SAMD3: variants seen among roughly 807,000 people sequenced by gnomAD.
SAMD3 encodes sterile alpha motif domain containing 3, also known as sterile alpha motif domain-containing protein 3.
A neutral mutation model predicts 58.5 loss-of-function variants in SAMD3; 63 were observed. That is an observed-to-expected ratio of 1.08 (90% CI 0.88 to 1.33). The LOEUF (loss-of-function observed/expected upper bound fraction) is 1.33, where lower values mean the gene tolerates loss of function less well. SAMD3 is among the 40% of genes most tolerant of loss of function. SAMD3 has a pLI of 0.00. For synonymous variants in SAMD3, 220 were observed against 210.3 expected (o/e 1.05, Z -0.40); for missense variants, 604 against 608.4 (o/e 0.99, Z 0.08).
At chr6:130,273,798 C>A (rs1216659130) in intron 2 of SAMD3, among the ~76,000 whole-genome samples, 1 of 152,008 alleles carries the variant, frequency 6.6e-6, no homozygotes, top group Non-Finnish European at 1.5e-5. Flanking sequence ...CTTTTACTCC[C>A]CGCTACACAA....
intron 2 of SAMD3, among the ~76,000 whole-genome samples, chr6:130,254,923 T>G (rs1307452172): frequency 6.6e-6 from 1 of 152,220 alleles, no homozygotes; most frequent in South Asian, 2.1e-4. Context: ...TCTTTTTTGA[T>G]GTAAATAATC....
chr6:130,269,606 T>A (rs573435919), intron 2 of SAMD3, among the ~76,000 whole-genome samples: 7 of 152,262 alleles, frequency 4.6e-5, no homozygotes, highest in African/African-American at 1.7e-4. Flanking sequence ...TTCTCTCTTT[T>A]TCTTTTTGTC....
chr6:130,350,508 CT>C (rs1410887750), intron 1 of SAMD3, among the ~76,000 whole-genome samples: 1 of 152,108 alleles, frequency 6.6e-6, no homozygotes, highest in East Asian at 1.9e-4. Context: ...AGGAATCCAA[CT>C]TACAAGGGAC....
At chr6:130,352,613 T>G (rs1777710816) in intron 1 of SAMD3, among the ~76,000 whole-genome samples, 1 of 152,200 alleles carries the variant, frequency 6.6e-6, no homozygotes. Context: ...GAGTGAAGAT[T>G]ATTGAAGAAT....
chr6:130,274,430 G>C (rs970966627), intron 2 of SAMD3, among the ~76,000 whole-genome samples: 2 of 152,178 alleles, frequency 1.3e-5, no homozygotes, highest in Non-Finnish European at 2.9e-5. Context: ...AGTCTTCCAA[G>C]AATAGGATGT....
At chr6:130,298,642 A>G (rs1364800816) in intron 2 of SAMD3, among the ~76,000 whole-genome samples, 2 of 152,150 alleles carry the variant, frequency 1.3e-5, no homozygotes, top group Admixed American at 1.3e-4. Flanking sequence ...TAAAGGAACT[A>G]GATAAACAAA....
At chr6:130,174,942 T>TA (rs1455465247) in intron 8 of SAMD3, among the ~76,000 whole-genome samples, 13 of 152,336 alleles carry the variant, frequency 8.5e-5, no homozygotes, top group Admixed American at 4.6e-4. Context: ...ATGGATCTTA[T>TA]AACTAGCACT....
chr6:130,331,433 TAA>T (rs1289821958), intron 1 of SAMD3, among the ~76,000 whole-genome samples: 4 of 152,144 alleles, frequency 2.6e-5, no homozygotes, highest in African/African-American at 9.7e-5. Flanking sequence ...AATAAATACA[TAA>T]AGTTTGGCTG....
chr6:130,256,122 T>A (rs1464979562), intron 2 of SAMD3, among the ~76,000 whole-genome samples: 1 of 150,652 alleles, frequency 6.6e-6, no homozygotes, highest in African/African-American at 2.5e-5. Context: ...TCTGAAATCA[T>A]GAGAACAAGC....
chr6:130,218,610 A>G (rs947036792), intron 1 of SAMD3, among the ~76,000 whole-genome samples: 1 of 152,232 alleles, frequency 6.6e-6, no homozygotes, highest in Admixed American at 6.5e-5. Context: ...AGCCTTACTA[A>G]GAAGATAAGA....
chr6:130,282,089 G>A (rs1378612837), intron 2 of SAMD3, among the ~76,000 whole-genome samples: 2 of 152,072 alleles, frequency 1.3e-5, no homozygotes, highest in Non-Finnish European at 2.9e-5. Flanking sequence ...ACCTGGCTGA[G>A]GCCTTGCTTT....
At chr6:130,261,737 T>C (rs552317651) in intron 2 of SAMD3, among the ~76,000 whole-genome samples, 28 of 152,298 alleles carry the variant, frequency 1.8e-4, no homozygotes, top group African/African-American at 6.5e-4. Flanking sequence ...CTTAAAACTT[T>C]GTGTAAAATA....
intron 5 of SAMD3, among the ~76,000 whole-genome samples, chr6:130,201,193 C>T (rs1207225164): frequency 6.6e-6 from 1 of 152,108 alleles, no homozygotes. Context: ...TTCTCCAATC[C>T]ATTCTCTACA....
chr6:130,186,905 G>T (rs1047070712), intron 5 of SAMD3, among the ~76,000 whole-genome samples: 1 of 151,572 alleles, frequency 6.6e-6, no homozygotes, highest in African/African-American at 2.4e-5. Context: ...TGAGTAGCTG[G>T]GACTACAGGC....
intron 2 of SAMD3, among the ~76,000 whole-genome samples, chr6:130,290,704 C>T (rs1478592244): frequency 6.6e-6 from 1 of 152,174 alleles, no homozygotes; most frequent in Admixed American, 6.5e-5. Context: ...GTGTTCTCAT[C>T]TGTTAAACCA....
chr6:130,361,631 A>T (rs1777991505), intron 1 of SAMD3, among the ~76,000 whole-genome samples: 1 of 152,222 alleles, frequency 6.6e-6, no homozygotes, highest in East Asian at 1.9e-4. Flanking sequence ...TTTACTCTAG[A>T]TCATGATTAT....
chr6:130,279,686 T>C (rs1435627491), intron 2 of SAMD3, among the ~76,000 whole-genome samples: 3 of 152,084 alleles, frequency 2.0e-5, no homozygotes, highest in Admixed American at 2.0e-4. Context: ...GGTTTCATCA[T>C]GTTGGCCAGG....
At chr6:130,164,026 G>A (rs1790498265) in intron 8 of SAMD3, among the ~76,000 whole-genome samples, 1 of 139,442 alleles carries the variant, frequency 7.2e-6, no homozygotes, top group African/African-American at 2.7e-5. Context: ...TGGAATACAA[G>A]AACATCCTAA....
At chr6:130,246,426 C>T (rs1243252099) in intron 2 of SAMD3, among the ~76,000 whole-genome samples, 5 of 151,562 alleles carry the variant, frequency 3.3e-5, no homozygotes, top group Admixed American at 6.6e-5. Context: ...CTTGACTATA[C>T]ATGACTAGTG....
Sources: gnomAD v4.1 joint callset for allele counts (sites outside exome capture counted in the v4.1 genomes callset) on GRCh38, gnomAD v4.1.1 for gene constraint, MANE v1.5 for transcripts, NCBI Gene and HGNC (gene_info 2026-07-23, HGNC 2026-07-21) for gene names.